The following MRPS9 variants were observed in gnomAD, a reference collection of about 807,000 sequenced individuals.
MRPS9 encodes mitochondrial ribosomal protein S9.
A neutral mutation model predicts 59.9 loss-of-function variants in MRPS9; 45 were observed. The ratio of observed to expected loss-of-function variants is 0.75; its 90% CI spans 0.59 to 0.96. MRPS9 has a LOEUF of 0.96. MRPS9 is among the 40% of genes least tolerant of loss of function. The pLI is 0.00. For missense variants in MRPS9, 473 were observed against 481.1 expected (o/e 0.98, Z 0.16); for synonymous variants, 171 against 166.8 (o/e 1.03, Z -0.19).
rs552861911 is a variant in MRPS9, at chr2:105,068,007, A to G, written c.316-3306A>G. Among the ~76,000 whole-genome samples, 9 of 152,262 alleles carry G rather than the reference A, an allele frequency of 5.9e-5. No homozygotes were observed. In the South Asian group the frequency reaches 1.5e-3, roughly 25 times the overall value. On this transcript the variant is annotated intron_variant, in intron 2 of 10. Coordinates refer to ENST00000258455, the MANE Select transcript of MRPS9 (RefSeq NM_182640.3). ...CACACTTCTTAAAAATTTTTTTTGT[A>G]GAGATGGGATCTCAGTATCTCTAAA...
Position 105,089,956 on chromosome 2 carries a change from A to G in MRPS9, c.612A>G (p.Glu204=). The G allele has an allele frequency of 6.2e-7, 1 of 1,610,766 alleles. No homozygotes were observed. ...VIGSRWLIKE[E]LEEMLVEKLS... ...GCAGCAGATGGCTGATTAAGGAGGA[A>G]CTAGAAGAAATGTTAGTGGAAAAAC... The change falls in exon 7 of 11, where the codon GAA becomes GAG. Residue 204 remains glutamate, a synonymous_variant. Transcript: ENST00000258455.
At chr2:105,043,891 C>T (rs112962321) in intron 1 of MRPS9, among the ~76,000 whole-genome samples, 1,568 of 150,324 alleles carry the variant, frequency 0.01, 22 homozygotes, top group African/African-American at 0.037. Context: ...CCTTGGCTTC[C>T]GGAAGTGCTG....
At position 105,089,086 on chromosome 2, in the gene MRPS9, C is replaced by T; in HGVS notation, c.575+17C>T. On this transcript the variant is annotated intron_variant, in intron 6 of 10. Coordinates refer to ENST00000258455, the MANE Select transcript of MRPS9 (RefSeq NM_182640.3). ...TGTAACCAGGTAAGCTCTTTTCTTG[C>T]ATTAAAATATAAGTAAAATTTGAAC... 6.3e-7 allele frequency: 1 copy of T among 1,579,330 alleles called. No individual in the cohort carries two copies. The highest frequency in any genetic ancestry group is 8.7e-7 in the Non-Finnish European group (1 of 1,155,454).
At chr2:105,093,085 G>A (rs1680592435) in intron 8 of MRPS9, among the ~76,000 whole-genome samples, 1 of 151,954 alleles carries the variant, frequency 6.6e-6, no homozygotes, top group Non-Finnish European at 1.5e-5. Context: ...CTACTGTGGT[G>A]TTTTCAAAGA....
chr2:105,051,530 A>G (rs1016067137), intron 2 of MRPS9, among the ~76,000 whole-genome samples: 8 of 152,036 alleles, frequency 5.3e-5, no homozygotes, highest in African/African-American at 1.9e-4. Context: ...TGCTCCTCGA[A>G]TTTTCATATG....
chr2:105,082,849 C>T lies in MRPS9; in HGVS notation c.489+2787C>T, dbSNP rs527531333. 1.2e-3 allele frequency among the ~76,000 whole-genome samples: 183 copies of T among 151,882 alleles called. 1 individual carries two copies. In the Middle Eastern group the frequency reaches 0.014, roughly 11 times the overall value. ...CATGTCTTCAGGTTCCTGGGAAAGT[C>T]GATTAAAAACTCATTTATTTTACAC... On this transcript the variant is annotated intron_variant, in intron 5 of 10. Transcript: ENST00000258455.
intron 7 of MRPS9, 77 bp from the exon 8 acceptor site, chr2:105,092,324 C>A: frequency 7.5e-7 from 1 of 1,325,186 alleles, no homozygotes; most frequent in South Asian, 1.7e-5. Context: ...TTGGAAAGAT[C>A]AAGTATGCAA....
chr2:105,067,551 A>T (rs1303941383), intron 2 of MRPS9, among the ~76,000 whole-genome samples: 8 of 152,166 alleles, frequency 5.3e-5, no homozygotes, highest in Admixed American at 5.2e-4. Flanking sequence ...TTCTGAGTTC[A>T]TGCGAATTTT....
In MRPS9 at chr2:105,076,739, G is replaced by T. The variant is rs376640092; in HGVS notation, c.410-3244G>T. 2.6e-5 allele frequency among the ~76,000 whole-genome samples: 4 copies of T among 152,198 alleles called. 1 individual carries two copies. The highest frequency in any genetic ancestry group is 7.2e-5 in the African/African-American group (3 of 41,518). On this transcript the variant is annotated intron_variant, in intron 4 of 10. Transcript: ENST00000258455. ...GTCCTTAAAATCACAAAAACTAAAG[G>T]ACAAAGATGACAAATTACTTATGTT...
chr2:105,038,130 C>T lies in MRPS9; in HGVS notation c.38C>T (p.Ser13Leu), dbSNP rs13399067. ...APCVSYGGAV[S>L]YRLLLWGRGS... ...TGTGTGTCCTACGGCGGAGCAGTTT[C>T]GTACCGGCTTCTTCTCTGGGGTAGG... Residue 13 changes from serine (S) to leucine (L), a missense_variant, in exon 1 of 11, where the codon TCG becomes TTG. Transcript: ENST00000258455. The T allele has an allele frequency of 7.6e-3, 12,247 of 1,613,926 alleles. 130 individuals carry two copies. The highest frequency in any genetic ancestry group is 0.028 in the Middle Eastern group (167 of 6,014).
rs1183856267 is a variant in MRPS9, at chr2:105,088,985, A to C, written c.491A>C (p.Asp164Ala). Residue 164 changes from aspartate to alanine, a missense_variant and splice_region_variant, in exon 6 of 11, where the codon GAT (aspartate) becomes GCT (alanine). By Grantham distance (126) the Asp-to-Ala change is moderately radical (BLOSUM62 -2). Coordinates refer to ENST00000258455, the MANE Select transcript of MRPS9 (RefSeq NM_182640.3). ...TACTGTATATTTTGTTTGCCATAGG[A>C]TGTATATGGAATGTTACTCAATTTA... ...GKQSYYSLMHDVYGMLLNLEK... is the reference protein window; with the variant it reads ...GKQSYYSLMHAVYGMLLNLEK... 2 of 1,605,266 alleles carry C rather than the reference A, an allele frequency of 1.2e-6. No homozygotes were observed. Among genetic ancestry groups the C allele is most frequent in the East Asian group, 4.5e-5 (2 of 44,718 alleles).
At chr2:105,059,914 G>T (rs1679864153) in intron 2 of MRPS9, among the ~76,000 whole-genome samples, 1 of 148,814 alleles carries the variant, frequency 6.7e-6, no homozygotes, top group Non-Finnish European at 1.5e-5. Context: ...CCTTCCCCCA[G>T]TGATTTTCTG....
At chr2:105,088,556 CGTAA>C (rs1170181023) in intron 5 of MRPS9, among the ~76,000 whole-genome samples, 4 of 151,912 alleles carry the variant, frequency 2.6e-5, no homozygotes, top group African/African-American at 7.3e-5. Flanking sequence ...TTAAATAATA[CGTAA>C]GTATCTATAA....
At chr2:105,091,493 G>A in intron 7 of MRPS9, 1 of 400,548 alleles carries the variant, frequency 2.5e-6, no homozygotes, top group South Asian at 1.9e-5. Flanking sequence ...ATCATAGGAA[G>A]CTGTAGTCAA....
At chr2:105,039,043 C>T (rs1016918539) in intron 1 of MRPS9, among the ~76,000 whole-genome samples, 1 of 151,876 alleles carries the variant, frequency 6.6e-6, no homozygotes, top group African/African-American at 2.4e-5. Context: ...GGCAGAGGGA[C>T]AGGGCCCTGA....
intron 2 of MRPS9, among the ~76,000 whole-genome samples, chr2:105,050,128 T>A (rs952140818): frequency 5.3e-5 from 8 of 150,294 alleles, no homozygotes; most frequent in African/African-American, 2.0e-4. Context: ...CCAGAAGGAT[T>A]TTTTTCTTTT....
At chr2:105,092,058 T>A (rs1294075323) in intron 7 of MRPS9, 1 of 189,246 alleles carries the variant, frequency 5.3e-6, no homozygotes, top group Non-Finnish European at 1.1e-5. Context: ...CTCCCCTTGA[T>A]ACAGTTCTAA....
intron 1 of MRPS9, 74 bp downstream of exon 1, chr2:105,038,301 C>A: frequency 6.5e-7 from 1 of 1,548,554 alleles, no homozygotes; most frequent in East Asian, 2.4e-5. Flanking sequence ...ACACCTTCCC[C>A]CAGCGTCTCG....
In MRPS9 at chr2:105,097,475, A is replaced by C. The variant is rs528162170; in HGVS notation, c.1099+151A>C. The stretch of plus-strand genomic sequence containing the variant: ...GTCTTCTTTCTTGCTACAGAACCAT[A>C]ACAGTATTTCTCAGATTTGATTTCT... On this transcript the variant is annotated intron_variant, in intron 10 of 10. Coordinates refer to ENST00000258455, the MANE Select transcript of MRPS9 (RefSeq NM_182640.3). 83 of 692,278 alleles carry C rather than the reference A, an allele frequency of 1.2e-4. No individual in the cohort carries two copies. In the East Asian group the frequency reaches 2.8e-3, roughly 24 times the overall value. The allele number at this position is 692,278 out of a possible 1,614,324, so 42.9% of individuals were successfully genotyped here.
Sources: allele counts gnomAD v4.1 joint callset (sites outside exome capture counted in the v4.1 genomes callset), GRCh38; gene constraint gnomAD v4.1.1; transcripts MANE v1.5; gene names NCBI Gene and HGNC (gene_info 2026-07-23, HGNC 2026-07-21).